The following SHISA6 variants were observed in gnomAD, a reference collection of about 807,000 sequenced individuals.
SHISA6 encodes the protein shisa family member 6, also known as protein shisa-6.
In SHISA6, 22 loss-of-function variants were observed where a neutral mutation model predicts 47.9. That is an observed-to-expected ratio of 0.46 (90% CI 0.33 to 0.66). SHISA6 has a LOEUF of 0.66. Ranked by LOEUF, SHISA6 falls within the 30% of genes least tolerant of loss-of-function variation. The probability of loss-of-function intolerance (pLI) is 0.02; values close to 1 mark genes in which losing one functional copy is unlikely to be tolerated. For missense variants in SHISA6, 680 were observed against 764.6 expected, an observed-to-expected ratio of 0.89 and a Z score of 1.30; for synonymous variants, 388 against 337.8, an observed-to-expected ratio of 1.15 and a Z score of -1.63.
chr17:11,360,800 A>G lies in SHISA6; in HGVS notation c.800-18614A>G, dbSNP rs1489815640. Among the ~76,000 whole-genome samples, 4 of 122,616 alleles carry G rather than the reference A, an allele frequency of 3.3e-5. No homozygotes were observed. The East Asian group carries it at 8.8e-4, about 27-fold the overall frequency. The allele number at this position is 122,616 out of a possible 152,430, so 80.4% of individuals were successfully genotyped here. On this transcript the variant is annotated intron_variant, in intron 2 of 5. Coordinates refer to ENST00000441885, the MANE Select transcript of SHISA6 (RefSeq NM_207386.4). ...TATCCTAGAACTTAAAGTAAAATTAAAAAAAAAAAAAAAGAATCTCCAGGC... is the reference window on the plus strand; with the variant it reads ...TATCCTAGAACTTAAAGTAAAATTAGAAAAAAAAAAAAAGAATCTCCAGGC...
At chr17:11,515,610 C>G (rs780483976) in intron 3 of SHISA6, among the ~76,000 whole-genome samples, 88 of 152,230 alleles carry the variant, frequency 5.8e-4, no homozygotes, top group Non-Finnish European at 5.6e-4. Flanking sequence ...ACGAAGAGCT[C>G]TGGGGCACAG....
intron 2 of SHISA6, among the ~76,000 whole-genome samples, chr17:11,277,434 G>T (rs771061956): frequency 2.0e-5 from 3 of 152,068 alleles, no homozygotes; most frequent in Non-Finnish European, 4.4e-5. Flanking sequence ...GACTGTAAGT[G>T]CCTTGAGTAC....
At chr17:11,469,678 C>T (rs550443065) in intron 3 of SHISA6, among the ~76,000 whole-genome samples, 9 of 152,262 alleles carry the variant, frequency 5.9e-5, no homozygotes, top group African/African-American at 2.2e-4. Context: ...CTGTGAAGCA[C>T]TGGGCTTTCC....
chr17:11,465,187 GCTCC>G, intron 3 of SHISA6, among the ~76,000 whole-genome samples: 1 of 152,206 alleles, frequency 6.6e-6, no homozygotes, highest in East Asian at 1.9e-4. Flanking sequence ...GTCCTTTCCT[GCTCC>G]CCTCGGTGCG....
chr17:11,444,524 A>G (rs540274733), intron 3 of SHISA6, among the ~76,000 whole-genome samples: 1 of 152,118 alleles, frequency 6.6e-6, no homozygotes, highest in Admixed American at 6.5e-5. Context: ...AGTACAGGTC[A>G]CTCACCAGGG....
intron 2 of SHISA6, among the ~76,000 whole-genome samples, chr17:11,336,609 G>A (rs180721886): frequency 6.6e-5 from 10 of 152,164 alleles, no homozygotes; most frequent in Non-Finnish European, 1.5e-5. Flanking sequence ...CAGATGAGGA[G>A]GGGGCAGGGA....
chr17:11,432,657 A>T (rs1914815016), intron 3 of SHISA6, among the ~76,000 whole-genome samples: 1 of 152,198 alleles, frequency 6.6e-6, no homozygotes, highest in Non-Finnish European at 1.5e-5. Context: ...CCATCTACTG[A>T]TTAATGGACA....
intron 3 of SHISA6, among the ~76,000 whole-genome samples, chr17:11,550,982 A>T (rs1234503027): frequency 1.3e-5 from 2 of 151,826 alleles, no homozygotes; most frequent in Non-Finnish European, 2.9e-5. Flanking sequence ...AGATGTAAAG[A>T]AATGAAAGCA....
chr17:11,428,779 C>CTTTTTTT (rs34920362), intron 3 of SHISA6, among the ~76,000 whole-genome samples: 4 of 96,024 alleles, frequency 4.2e-5, no homozygotes, highest in African/African-American at 8.7e-5. Flanking sequence ...GATCCACTTT[C>CTTTTTTT]TTTTTTTTTT....
intron 3 of SHISA6, among the ~76,000 whole-genome samples, chr17:11,506,955 T>A (rs2071503796): frequency 1.3e-5 from 2 of 152,162 alleles, no homozygotes; most frequent in Admixed American, 1.3e-4. Flanking sequence ...GTCAAGGCTG[T>A]CTGCTAGTGA....
rs560949656 is a variant in SHISA6, at chr17:11,327,986, T to TA, written c.800-51425dup. On this transcript the variant is annotated intron_variant, in intron 2 of 5. Transcript: ENST00000441885. The stretch of plus-strand genomic sequence containing the variant: ...CATAGATACACACACACAGTTTTGT[T>TA]AAATTAAAAAATGTATATATTTTTA... Among the ~76,000 whole-genome samples, 6 of 152,294 alleles carry TA rather than the reference T, an allele frequency of 3.9e-5. No individual in the cohort carries two copies. The South Asian group carries it at 1.2e-3, about 32-fold the overall frequency.
At chr17:11,291,407 G>A (rs899452263) in intron 2 of SHISA6, among the ~76,000 whole-genome samples, 8 of 151,790 alleles carry the variant, frequency 5.3e-5, no homozygotes, top group African/African-American at 9.7e-5. Flanking sequence ...AGGCTGAGGC[G>A]GGCAGATCAT....
intron 3 of SHISA6, among the ~76,000 whole-genome samples, chr17:11,459,459 G>A (rs891851896): frequency 1.3e-5 from 2 of 152,176 alleles, no homozygotes; most frequent in Admixed American, 6.5e-5. Flanking sequence ...CAGGTGTACA[G>A]GGTATGGCTC....
chr17:11,251,043 A>G lies in SHISA6; in HGVS notation c.638+8983A>G, dbSNP rs76687736. Among the ~76,000 whole-genome samples the G allele has an allele frequency of 5.0e-3, 758 of 152,222 alleles. 8 individuals carry two copies. The highest frequency in any genetic ancestry group is 0.017 in the African/African-American group (724 of 41,528). ...GTTGTAGATGAGGAAACCGATTCAGAGAGGCTTAGTAACTTGCCCAAGGTC... is the reference window on the plus strand; with the variant it reads ...GTTGTAGATGAGGAAACCGATTCAGGGAGGCTTAGTAACTTGCCCAAGGTC... On this transcript the variant is annotated intron_variant, in intron 1 of 5. Transcript: ENST00000441885.
intron 3 of SHISA6, among the ~76,000 whole-genome samples, chr17:11,503,909 T>C (rs77743892): frequency 0.013 from 1,947 of 152,370 alleles, 45 homozygotes; most frequent in African/African-American, 0.044. Context: ...GTGTATGCTC[T>C]CTGCAGCCTT....
In SHISA6 at chr17:11,257,367, G is replaced by A. The variant is rs1251111117; in HGVS notation, c.639-5999G>A. Among the ~76,000 whole-genome samples the A allele has an allele frequency of 2.6e-5, 4 of 152,264 alleles. No individual in the cohort carries two copies. The South Asian group carries it at 8.3e-4, about 32-fold the overall frequency. On this transcript the variant is annotated intron_variant, in intron 1 of 5. Transcript: ENST00000441885. ...ACAGTTCTTAAGAGGTCATTATCAA[G>A]TAAAAGCACAGGGGCGGATGTAGTG...
At chr17:11,513,516 A>G (rs1488052247) in intron 3 of SHISA6, among the ~76,000 whole-genome samples, 1 of 152,212 alleles carries the variant, frequency 6.6e-6, no homozygotes, top group Non-Finnish European at 1.5e-5. Context: ...TTCATTTTCA[A>G]CCTATGTCAC....
intron 3 of SHISA6, among the ~76,000 whole-genome samples, chr17:11,393,232 A>G (rs1913448151): frequency 6.6e-6 from 1 of 152,158 alleles, no homozygotes. Flanking sequence ...CAGTTGCTCA[A>G]GCAGCACTCT....
At chr17:11,469,096 T>C (rs1475068402) in intron 3 of SHISA6, among the ~76,000 whole-genome samples, 1 of 149,258 alleles carries the variant, frequency 6.7e-6, no homozygotes, top group African/African-American at 2.5e-5. Flanking sequence ...AGACAGCATC[T>C]GGCCCAAGCA....
Sources: allele counts gnomAD v4.1 joint callset (sites outside exome capture counted in the v4.1 genomes callset), GRCh38; gene constraint gnomAD v4.1.1; transcripts MANE v1.5; gene names NCBI Gene and HGNC (gene_info 2026-07-23, HGNC 2026-07-21).